The following MAML3 variants were observed in gnomAD, a reference collection of about 807,000 sequenced individuals.
MAML3 encodes mastermind like transcriptional coactivator 3.
In MAML3, 27 loss-of-function variants were observed where a neutral mutation model predicts 101.9. The observed-to-expected ratio is 0.27, with a 90% CI of 0.20 to 0.37. MAML3 has a LOEUF of 0.37. MAML3 is among the 10% of genes least tolerant of loss of function. MAML3 has a pLI of 1.00. For missense variants in MAML3, 1,316 were observed against 1,444.9 expected (o/e 0.91, Z 1.45); for synonymous variants, 501 against 555.9 (o/e 0.90, Z 1.39).
chr4:140,044,441 C>T (rs1278831771), intron 1 of MAML3, among the ~76,000 whole-genome samples: 3 of 152,170 alleles, frequency 2.0e-5, no homozygotes, highest in Non-Finnish European at 4.4e-5. Flanking sequence ...CATTATAGCT[C>T]AGTGCACAAC....
rs767019798 is a variant in MAML3 at position 139,890,656 on chromosome 4, A to C, written c.780T>G (p.Ser260Arg). Residue 260 changes from serine (S) to arginine (R), a missense_variant, in exon 2 of 5, where the codon AGT becomes AGG. Transcript: ENST00000509479. The surrounding 1 kb of genome is among the most constrained non-coding windows in gnomAD (Gnocchi z 4.1). ...AGATGGTGAAGCTATCCTCCAGGTC[A>C]CTGCAACCGTTGACAGGAAGTTTAA... is the stretch of plus-strand genomic sequence containing the variant. ...PEIKLPVNGC[S>R]DLEDSFTILQ... 6.2e-7 allele frequency: 1 copy of C among 1,613,938 alleles called. No individual in the cohort carries two copies. Among genetic ancestry groups the C allele is most frequent in the Admixed American group, 1.7e-5 (1 of 60,014 alleles).
At chr4:139,722,907 A>C (rs1427969883) in intron 4 of MAML3, among the ~76,000 whole-genome samples, 1 of 152,218 alleles carries the variant, frequency 6.6e-6, no homozygotes, top group Admixed American at 6.5e-5. Flanking sequence ...AAAACAAATT[A>C]TATATCTCAA....
At chr4:139,771,272 A>G (rs1228051279) in intron 2 of MAML3, among the ~76,000 whole-genome samples, 1 of 152,234 alleles carries the variant, frequency 6.6e-6, no homozygotes, top group Non-Finnish European at 1.5e-5. Flanking sequence ...AACCAAAGCC[A>G]TGTCTTAGAA....
intron 1 of MAML3, among the ~76,000 whole-genome samples, chr4:139,946,889 CCACACACACACA>C (rs544250515): frequency 1.6e-5 from 2 of 126,840 alleles, no homozygotes; most frequent in Non-Finnish European, 3.3e-5. Flanking sequence ...GCAGAGTAAG[CCACACACACACA>C]CACACACACA....
intron 1 of MAML3, among the ~76,000 whole-genome samples, chr4:140,022,331 G>A (rs1353201628): frequency 6.6e-6 from 1 of 151,976 alleles, no homozygotes; most frequent in Non-Finnish European, 1.5e-5. Flanking sequence ...AAAAACTATT[G>A]GAACAGCCTG....
intron 2 of MAML3, among the ~76,000 whole-genome samples, chr4:139,838,104 C>G (rs567938447): frequency 8.6e-4 from 130 of 151,736 alleles, no homozygotes; most frequent in Admixed American, 2.4e-3. Flanking sequence ...ATCGGCCAAG[C>G]CTGGGTTGGG....
intron 3 of MAML3, 61 bp from the exon 4 acceptor site, chr4:139,725,896 A>G: frequency 7.3e-7 from 1 of 1,369,054 alleles, no homozygotes; most frequent in Non-Finnish European, 1.0e-6. Flanking sequence ...ACACAATTCA[A>G]TATCCCAGCA....
At chr4:139,944,434 G>GT (rs1472320946) in intron 1 of MAML3, among the ~76,000 whole-genome samples, 4 of 151,842 alleles carry the variant, frequency 2.6e-5, no homozygotes, top group Non-Finnish European at 5.9e-5. Flanking sequence ...GCAGTGTTTG[G>GT]TTTTTTGTTC....
chr4:140,077,978 A>G (rs1339880144), intron 1 of MAML3, among the ~76,000 whole-genome samples: 1 of 152,066 alleles, frequency 6.6e-6, no homozygotes, highest in Non-Finnish European at 1.5e-5. Context: ...AGATCGTGCC[A>G]ATGCACTCCA....
intron 1 of MAML3, among the ~76,000 whole-genome samples, chr4:140,070,703 T>C (rs375510451): frequency 6.6e-5 from 10 of 152,212 alleles, no homozygotes; most frequent in African/African-American, 2.4e-4. Context: ...AGTGGACAAA[T>C]GCCTTCAGAT....
At chr4:140,109,848 C>T (rs891459043) in intron 1 of MAML3, among the ~76,000 whole-genome samples, 2 of 152,326 alleles carry the variant, frequency 1.3e-5, no homozygotes, top group Admixed American at 1.3e-4. Flanking sequence ...TGATCCCATG[C>T]CCTGGTCACA....
At chr4:139,987,505 T>C (rs979220827) in intron 1 of MAML3, among the ~76,000 whole-genome samples, 10 of 152,144 alleles carry the variant, frequency 6.6e-5, no homozygotes, top group African/African-American at 1.9e-4. Flanking sequence ...CCATGAGAAG[T>C]TGAAAAAGAA....
At chr4:140,117,425 T>C (rs558987241) in intron 1 of MAML3, among the ~76,000 whole-genome samples, 1 of 152,248 alleles carries the variant, frequency 6.6e-6, no homozygotes, top group South Asian at 2.1e-4. Flanking sequence ...AAGCATACTC[T>C]AACTATATAA....
At chr4:140,014,018 A>T (rs763652877) in intron 1 of MAML3, among the ~76,000 whole-genome samples, 6 of 152,206 alleles carry the variant, frequency 3.9e-5, no homozygotes, top group Admixed American at 1.3e-4. Context: ...GGTATGGGCA[A>T]AGCCAATCGC....
At chr4:139,882,518 A>AT (rs917010516) in intron 2 of MAML3, among the ~76,000 whole-genome samples, 2 of 152,178 alleles carry the variant, frequency 1.3e-5, no homozygotes, top group African/African-American at 4.8e-5. Context: ...CCATGAAGAA[A>AT]TGCCTTTAAA....
At chr4:139,858,452 CTTTTT>C (rs59968954) in intron 2 of MAML3, among the ~76,000 whole-genome samples, 59,528 of 131,176 alleles carry the variant, frequency 0.45, 12,981 homozygotes, top group African/African-American at 0.63. Context: ...TGATTCTTGG[CTTTTT>C]TTTTTTTTTT....
chr4:139,895,876 G>C (rs1299690898), intron 1 of MAML3, among the ~76,000 whole-genome samples: 1 of 152,136 alleles, frequency 6.6e-6, no homozygotes, highest in Non-Finnish European at 1.5e-5. Flanking sequence ...CTTTCCTCCA[G>C]GGCCTAAAGT....
chr4:139,842,013 C>T (rs1731371649), intron 2 of MAML3, among the ~76,000 whole-genome samples: 1 of 152,130 alleles, frequency 6.6e-6, no homozygotes, highest in Non-Finnish European at 1.5e-5. Flanking sequence ...GCCAGCAACC[C>T]CCATTCTTCC....
In MAML3 at chr4:139,866,876, G is replaced by A. The variant is rs546420395; in HGVS notation, c.2079+22481C>T. Among the ~76,000 whole-genome samples the A allele has an allele frequency of 7.9e-5, 12 of 152,246 alleles. No individual in the cohort carries two copies. In the South Asian group the frequency reaches 1.5e-3, roughly 18 times the overall value. ...GTACTTGATTATATCAGCATATAGC[G>A]CTAATACATCTCATGCTGCCTTGTT... On this transcript the variant is annotated intron_variant, in intron 2 of 4. Transcript: ENST00000509479.
Sources: allele counts gnomAD v4.1 joint callset (sites outside exome capture counted in the v4.1 genomes callset), GRCh38; gene constraint gnomAD v4.1.1; non-coding constraint Gnocchi (gnomAD v3.1); transcripts MANE v1.5; gene names NCBI Gene and HGNC (gene_info 2026-07-23, HGNC 2026-07-21).